The following ENTPD7 variants were observed in gnomAD, a reference collection of about 807,000 sequenced individuals.
The protein encoded by ENTPD7 is NTPDase 7.
Under a neutral mutation model 77.9 loss-of-function variants are expected in ENTPD7, and 53 were observed. That is an observed-to-expected ratio of 0.68 (90% CI 0.55 to 0.85). The LOEUF is 0.85. Ranked by LOEUF, ENTPD7 falls within the 40% of genes least tolerant of loss-of-function variation. The pLI is 0.00. For synonymous variants in ENTPD7, 248 were observed against 274.9 expected, an observed-to-expected ratio of 0.90 and a Z score of 0.97; for missense variants, 636 against 743.7, an observed-to-expected ratio of 0.86 and a Z score of 1.68.
intron 3 of ENTPD7, among the ~76,000 whole-genome samples, chr10:99,666,123 C>G (rs1187645422): frequency 6.6e-6 from 1 of 152,022 alleles, no homozygotes; most frequent in Non-Finnish European, 1.5e-5. Context: ...GTCTGTTAAG[C>G]TATTTTAGAG....
At chr10:99,691,983 G>GT (rs1227013054) in intron 8 of ENTPD7, among the ~76,000 whole-genome samples, 1 of 152,178 alleles carries the variant, frequency 6.6e-6, no homozygotes, top group Non-Finnish European at 1.5e-5. Flanking sequence ...TGTAAAGAAT[G>GT]TATTTTGAGG....
chr10:99,695,820 CTA>C, intron 8 of ENTPD7, 134 bp from the exon 9 acceptor site: 1 of 749,890 alleles, frequency 1.3e-6, no homozygotes, highest in Non-Finnish European at 2.0e-6. Context: ...TAAAATAATG[CTA>C]TGAGGATGAA....
At position 99,702,600 on chromosome 10, in the gene ENTPD7, C is replaced by A; in HGVS notation, c.1510C>A (p.Gln504Lys). The change falls in exon 12 of 13, where the codon CAG (glutamine) becomes AAG (lysine). Residue 504 changes from glutamine to lysine, a missense_variant. Coordinates refer to ENST00000370489, the MANE Select transcript of ENTPD7 (RefSeq NM_020354.5). Reference sequence around the variant, plus strand: ...TGACTACCCAAACCTGCGGACAGCCCAGCTGGTGTATGACCGAGAGGTTCA... The same window carrying A: ...TGACTACCCAAACCTGCGGACAGCCAAGCTGGTGTATGACCGAGAGGTTCA... ...PYDYPNLRTA[Q>K]LVYDREVQWT... 6.2e-7 allele frequency: 1 copy of A among 1,613,748 alleles called. No homozygotes were observed. The highest frequency in any genetic ancestry group is 1.3e-5 in the African/African-American group (1 of 75,016).
chr10:99,684,795 A>C (rs2035792608), intron 5 of ENTPD7, among the ~76,000 whole-genome samples: 1 of 152,190 alleles, frequency 6.6e-6, no homozygotes, highest in South Asian at 2.1e-4. Flanking sequence ...TTACATGCTT[A>C]AAATGTTAGA....
intron 12 of ENTPD7, among the ~76,000 whole-genome samples, chr10:99,703,535 C>A (rs1299882185): frequency 6.6e-6 from 1 of 152,188 alleles, no homozygotes; most frequent in Non-Finnish European, 1.5e-5. Flanking sequence ...AAGAACACTG[C>A]AGGTCAAACC....
At chr10:99,690,037 T>C (rs917370451) in intron 7 of ENTPD7, among the ~76,000 whole-genome samples, 1 of 152,338 alleles carries the variant, frequency 6.6e-6, no homozygotes, top group Middle Eastern at 3.4e-3. Flanking sequence ...TATGAACTCA[T>C]GGATTTTAAT....
At chr10:99,688,062 G>GA (rs902101844) in intron 6 of ENTPD7, among the ~76,000 whole-genome samples, 5 of 150,690 alleles carry the variant, frequency 3.3e-5, no homozygotes, top group South Asian at 2.1e-4. Context: ...AAATAAGAAA[G>GA]AAAAAAAAAG....
In ENTPD7 at chr10:99,660,381, C is replaced by T. The variant is rs1254265179; in HGVS notation, c.8+417C>T. On this transcript the variant is annotated intron_variant, in intron 2 of 12. Coordinates refer to ENST00000370489, the MANE Select transcript of ENTPD7 (RefSeq NM_020354.5). ...TCACAGATGAATACACTTATCCATA[C>T]ATTATAATAACCTGAAGCTTTTAAA... 3.1e-5 allele frequency: 36 copies of T among 1,164,590 alleles called. 2 individuals carry two copies. The South Asian group carries it at 5.6e-4, about 18-fold the overall frequency. The allele number at this position is 1,164,590 out of a possible 1,614,324, so 72.1% of individuals were successfully genotyped here.
Position 99,709,953 on chromosome 10 carries a change from C to T in ENTPD7, c.*5270C>T. 2.0e-6 allele frequency: 2 copies of T among 985,394 alleles called. No homozygotes were observed. Among genetic ancestry groups the T allele is most frequent in the Non-Finnish European group, 2.4e-6 (2 of 829,902 alleles). The allele number at this position is 985,394 out of a possible 1,614,324, so 61.0% of individuals were successfully genotyped here. On this transcript the variant is annotated 3_prime_UTR_variant, in exon 13 of 13. Coordinates refer to ENST00000370489, the MANE Select transcript of ENTPD7 (RefSeq NM_020354.5). ...TGAATCATTACTCATACTACAAGGG[C>T]TTTCACTTTTAAAATGTAATCCATC...
In ENTPD7 at chr10:99,708,668, G is replaced by T; in HGVS notation, c.*3985G>T. ...TCCTATTTTATCCATAACCCCTGAT[G>T]ATAAGGTTGGTGGGAACAGAGTTTC... On this transcript the variant is annotated 3_prime_UTR_variant, in exon 13 of 13. Transcript: ENST00000370489. The T allele has an allele frequency of 6.9e-6, 2 of 287,882 alleles. No individual in the cohort carries two copies. Among genetic ancestry groups the T allele is most frequent in the Non-Finnish European group, 1.0e-5 (2 of 192,150 alleles). The allele number at this position is 287,882 out of a possible 1,614,324, so 17.8% of individuals were successfully genotyped here.
rs143036699 is a variant in ENTPD7, at chr10:99,692,685, T to G, written c.843+1167T>G. Among the ~76,000 whole-genome samples, 680 of 152,294 alleles carry G rather than the reference T, an allele frequency of 4.5e-3. 4 individuals are homozygous for G. Among genetic ancestry groups the G allele is most frequent in the African/African-American group, 0.016 (649 of 41,574 alleles). ...TAGGATTTTCAGGTGTGCTAGTAGT[T>G]AAGACTGGGAAGATAAGATGGAGCT... On this transcript the variant is annotated intron_variant, in intron 8 of 12. Coordinates refer to ENST00000370489, the MANE Select transcript of ENTPD7 (RefSeq NM_020354.5).
chr10:99,692,052 A>C (rs1168927800), intron 8 of ENTPD7, among the ~76,000 whole-genome samples: 1 of 151,520 alleles, frequency 6.6e-6, no homozygotes, highest in Non-Finnish European at 1.5e-5. Flanking sequence ...CCTATTATGT[A>C]CACCCATTAT....
Position 99,708,901 on chromosome 10 carries a change from T to G in ENTPD7, c.*4218T>G. ...AAGTATAAACAGAATCTATTTTTTA[T>G]AAAACAGCTGGCCACAACTAACCAT... On this transcript the variant is annotated 3_prime_UTR_variant, in exon 13 of 13. Transcript: ENST00000370489. 2 of 985,412 alleles carry G rather than the reference T, an allele frequency of 2.0e-6. No homozygotes were observed. The highest frequency in any genetic ancestry group is 2.4e-6 in the Non-Finnish European group (2 of 829,912). The allele number at this position is 985,412 out of a possible 1,614,324, so 61.0% of individuals were successfully genotyped here.
Position 99,681,462 on chromosome 10 carries a change from T to C in ENTPD7, c.548+1587T>C, listed in dbSNP as rs372536095. Among the ~76,000 whole-genome samples, 20 of 152,120 alleles carry C rather than the reference T, an allele frequency of 1.3e-4. 1 individual carries two copies. In the East Asian group the frequency reaches 1.9e-3, roughly 15 times the overall value. ...CCTGGCTAATTTTTTGTATTTTTTTTTGTAGAGATGGGGTCTTGCCATGTT... is the reference window on the plus strand; with the variant it reads ...CCTGGCTAATTTTTTGTATTTTTTTCTGTAGAGATGGGGTCTTGCCATGTT... On this transcript the variant is annotated intron_variant, in intron 5 of 12. Transcript: ENST00000370489.
intron 5 of ENTPD7, among the ~76,000 whole-genome samples, chr10:99,681,842 G>T (rs1483070239): frequency 6.6e-6 from 1 of 152,182 alleles, no homozygotes; most frequent in African/African-American, 2.4e-5. Context: ...ATGGAGAAAT[G>T]TCTATTCAAG....
At chr10:99,692,061 A>G (rs189670935) in intron 8 of ENTPD7, among the ~76,000 whole-genome samples, 14 of 152,334 alleles carry the variant, frequency 9.2e-5, no homozygotes, top group African/African-American at 3.4e-4. Context: ...TACACCCATT[A>G]TGTGCAAGGA....
At position 99,700,990 on chromosome 10, in the gene ENTPD7, T is replaced by A. The variant is rs756995868; in HGVS notation, c.1353T>A (p.Ala451=). The A allele has an allele frequency of 1.1e-5, 18 of 1,614,112 alleles. No individual in the cohort carries two copies. Among genetic ancestry groups the A allele is most frequent in the Non-Finnish European group, 1.3e-5 (15 of 1,179,970 alleles). The part of the protein sequence containing the change: ...AKAAQDYCGM[A]WSVLTQRFKN... ...TGATCCAGGATTACTGTGGCATGGC[T>A]TGGTCGGTACTAACTCAGAGATTCA... Residue 451 remains alanine, a synonymous_variant, in exon 11 of 13, where the codon GCT becomes GCA. Coordinates refer to ENST00000370489, the MANE Select transcript of ENTPD7 (RefSeq NM_020354.5).
In ENTPD7 at chr10:99,682,398, T is replaced by C. The variant is rs115102489; in HGVS notation, c.548+2523T>C. 3.2e-3 allele frequency among the ~76,000 whole-genome samples: 495 copies of C among 152,324 alleles called. 3 individuals carry two copies. Among genetic ancestry groups the C allele is most frequent in the African/African-American group, 0.011 (473 of 41,564 alleles). On this transcript the variant is annotated intron_variant, in intron 5 of 12. Coordinates refer to ENST00000370489, the MANE Select transcript of ENTPD7 (RefSeq NM_020354.5). ...ACTGGTTTACTGACTGGTTTACTGT[T>C]GAGAAGCAGATTATTTATATAGCCA... is the stretch of plus-strand genomic sequence containing the variant.
chr10:99,692,708 G>A (rs1370246601), intron 8 of ENTPD7, among the ~76,000 whole-genome samples: 1 of 152,156 alleles, frequency 6.6e-6, no homozygotes, highest in African/African-American at 2.4e-5. Flanking sequence ...ATAAGATGGA[G>A]CTAAATCATG....
Sources: gnomAD v4.1 joint callset for allele counts (sites outside exome capture counted in the v4.1 genomes callset) on GRCh38, gnomAD v4.1.1 for gene constraint, MANE v1.5 for transcripts, NCBI Gene and HGNC (gene_info 2026-07-23, HGNC 2026-07-21) for gene names.